Variants in PRSS23 observed in about 807,000 individuals in gnomAD.
PRSS23 encodes the protein protease, serine 23.
In PRSS23, 25 loss-of-function variants were observed where a neutral mutation model predicts 34.7. The observed-to-expected ratio is 0.72, with a 90% CI of 0.53 to 1.01. The LOEUF (loss-of-function observed/expected upper bound fraction) is 1.01. Ranked by LOEUF, PRSS23 falls within the 50% of genes least tolerant of loss-of-function variation. The pLI is 0.00. For missense variants in PRSS23, 445 were observed against 475.6 expected, an observed-to-expected ratio of 0.94 and a Z score of 0.60; for synonymous variants, 176 against 186.6, an observed-to-expected ratio of 0.94 and a Z score of 0.46.
chr11:86,849,096 A>C (rs183681578), intron 2 of PRSS23, among the ~76,000 whole-genome samples: 1 of 152,306 alleles, frequency 6.6e-6, no homozygotes, highest in Non-Finnish European at 1.5e-5. Flanking sequence ...CAGCTCATGC[A>C]ATCACCCTCA....
At chr11:86,848,652 C>G (rs957206155) in intron 2 of PRSS23, among the ~76,000 whole-genome samples, 1 of 152,170 alleles carries the variant, frequency 6.6e-6, no homozygotes, top group South Asian at 2.1e-4. Flanking sequence ...AACTTATCAC[C>G]TAAGAAGCGG....
Position 86,951,189 on chromosome 11 carries a change from C to G in PRSS23, c.207-27C>G, listed in dbSNP as rs199577384. 2.9e-4 allele frequency: 472 copies of G among 1,614,026 alleles called. No individual in the cohort carries two copies. Among genetic ancestry groups the G allele is most frequent in the Non-Finnish European group, 3.9e-4 (456 of 1,179,858 alleles). ...TTTCCAGGCTTCACCCAACCATTTCCTCTCTTCTCTCTCTTTACCTTTCCA... is the reference window on the plus strand; with the variant it reads ...TTTCCAGGCTTCACCCAACCATTTCGTCTCTTCTCTCTCTTTACCTTTCCA... On this transcript the variant is annotated intron_variant, in intron 2 of 2. Transcript: ENST00000533902.
chr11:86,822,624 A>AG (rs1196945663), intron 1 of PRSS23, among the ~76,000 whole-genome samples: 1 of 151,520 alleles, frequency 6.6e-6, no homozygotes, highest in African/African-American at 2.4e-5. Flanking sequence ...CCTGACTAAA[A>AG]AAAAAAAAAA....
At chr11:86,916,902 A>C (rs949187982) in intron 2 of PRSS23, among the ~76,000 whole-genome samples, 1 of 152,248 alleles carries the variant, frequency 6.6e-6, no homozygotes, top group Non-Finnish European at 1.5e-5. Flanking sequence ...GCACAAGGAC[A>C]GAGCTTTATA....
intron 2 of PRSS23, among the ~76,000 whole-genome samples, chr11:86,939,590 C>T (rs1189833615): frequency 1.3e-5 from 2 of 150,584 alleles, no homozygotes; most frequent in Non-Finnish European, 1.5e-5. Context: ...CAGGAAATTC[C>T]ATTGCGTTTA....
intron 2 of PRSS23, among the ~76,000 whole-genome samples, chr11:86,916,849 A>C (rs2134999115): frequency 6.6e-6 from 1 of 152,210 alleles, no homozygotes; most frequent in South Asian, 2.1e-4. Flanking sequence ...CAACTGTAAA[A>C]CTTATACGTC....
intron 2 of PRSS23, among the ~76,000 whole-genome samples, chr11:86,830,748 G>A (rs1169974705): frequency 6.6e-6 from 1 of 152,066 alleles, no homozygotes; most frequent in Non-Finnish European, 1.5e-5. Context: ...TCACAGAGGT[G>A]TACACCCTTT....
intron 2 of PRSS23, among the ~76,000 whole-genome samples, chr11:86,888,115 T>A (rs1223952982): frequency 1.2e-4 from 13 of 111,538 alleles, no homozygotes; most frequent in African/African-American, 3.0e-4. Context: ...GTTGGTTTTT[T>A]TTAAAAAAAA....
rs1249628395 is a variant in PRSS23, at chr11:86,824,620, C to G, written c.206+1027C>G. Among the ~76,000 whole-genome samples, 3 of 95,502 alleles carry G rather than the reference C, an allele frequency of 3.1e-5. No individual in the cohort carries two copies. The East Asian group carries it at 1.0e-3, about 33-fold the overall frequency. 62.7% of individuals were successfully genotyped at this position (95,502 alleles called of 152,430 possible). A position where few individuals can be genotyped will look rare whatever the true frequency, so the allele number is the denominator to read the frequency against. ...CATTAGGTATATCTCCTAAAGCTATCCCTCCCCCCTCCCCCCACCCCACAA... is the reference window on the plus strand; with the variant it reads ...CATTAGGTATATCTCCTAAAGCTATGCCTCCCCCCTCCCCCCACCCCACAA... On this transcript the variant is annotated intron_variant, in intron 2 of 2. Coordinates refer to the PRSS23 transcript ENST00000533902.
At chr11:86,940,619 CT>C (rs747913034) in intron 2 of PRSS23, among the ~76,000 whole-genome samples, 10 of 151,650 alleles carry the variant, frequency 6.6e-5, no homozygotes, top group Non-Finnish European at 1.3e-4. Flanking sequence ...GCCGACTCCC[CT>C]GTGCTGAGCG....
At chr11:86,838,014 A>T (rs1948419725) in intron 2 of PRSS23, among the ~76,000 whole-genome samples, 1 of 151,590 alleles carries the variant, frequency 6.6e-6, no homozygotes, top group Admixed American at 6.6e-5. Context: ...GGGTCAGCAG[A>T]TTTCCCTTTC....
chr11:86,940,675 G>A (rs1949201584), intron 2 of PRSS23: 2 of 152,148 alleles, frequency 1.3e-5, no homozygotes, highest in Non-Finnish European at 2.9e-5. Context: ...CTTGGCCTCA[G>A]CCCACCTTCC....
At chr11:86,919,457 TTCTC>T (rs1355571404) in intron 2 of PRSS23, among the ~76,000 whole-genome samples, 1 of 152,300 alleles carries the variant, frequency 6.6e-6, no homozygotes, top group African/African-American at 2.4e-5. Context: ...CATTCTTTTC[TTCTC>T]TCTCTCTTGT....
chr11:86,831,186 T>G (rs1321983802), intron 2 of PRSS23, among the ~76,000 whole-genome samples: 2 of 152,140 alleles, frequency 1.3e-5, no homozygotes, highest in Non-Finnish European at 2.9e-5. Context: ...TCACAATGCT[T>G]GTACACCCTG....
intron 2 of PRSS23, among the ~76,000 whole-genome samples, chr11:86,939,424 A>ATTTTTTTT (rs1346009599): frequency 1.5e-4 from 13 of 84,000 alleles, no homozygotes; most frequent in Admixed American, 6.7e-4. Context: ...ATATATATAT[A>ATTTTTTTT]TATTTTTTAA....
chr11:86,814,407 A>T (rs1396791418), downstream of PRSS23, among the ~76,000 whole-genome samples: 1 of 152,154 alleles, frequency 6.6e-6, no homozygotes, highest in African/African-American at 2.4e-5. Flanking sequence ...GTAAGAAGCC[A>T]CCAATAAGGT....
chr11:86,916,817 C>T (rs1259951981), intron 2 of PRSS23, among the ~76,000 whole-genome samples: 2 of 152,106 alleles, frequency 1.3e-5, no homozygotes, highest in African/African-American at 4.8e-5. Flanking sequence ...GAGTAACCAC[C>T]CCTCTCTGTG....
At chr11:86,931,459 C>T (rs1029854377) in intron 2 of PRSS23, among the ~76,000 whole-genome samples, 1 of 151,680 alleles carries the variant, frequency 6.6e-6, no homozygotes, top group Non-Finnish European at 1.5e-5. Flanking sequence ...AGTCTTAAAT[C>T]CATGAAAAAA....
chr11:86,885,701 C>T (rs576156713), intron 2 of PRSS23, among the ~76,000 whole-genome samples: 299 of 152,260 alleles, frequency 2.0e-3, no homozygotes, highest in African/African-American at 6.9e-3. Flanking sequence ...ACTTGCCAGG[C>T]TTCATATTCA....
Sources: gnomAD v4.1 joint callset for allele counts (sites outside exome capture counted in the v4.1 genomes callset) on GRCh38, gnomAD v4.1.1 for gene constraint, MANE v1.5 for transcripts, NCBI Gene and HGNC (gene_info 2026-07-23, HGNC 2026-07-21) for gene names.